The following NEK11 variants were observed in gnomAD, a reference collection of about 807,000 sequenced individuals.
The protein encoded by NEK11 is serine/threonine-protein kinase Nek11.
NEK11 carries 72 observed loss-of-function variants against 80.7 expected under a neutral mutation model. That is an observed-to-expected ratio of 0.89 (90% CI 0.74 to 1.08). The LOEUF (loss-of-function observed/expected upper bound fraction) is 1.08. Among genes scored for constraint, NEK11 ranks in the 50% least tolerant of loss-of-function variants. NEK11 has a pLI of 0.00. For missense variants in NEK11, 764 were observed against 763.6 expected (o/e 1.00, Z -0.01); for synonymous variants, 251 against 260.7 (o/e 0.96, Z 0.36).
At chr3:131,324,531 GCTTCTA>G (rs1403282538) in intron 17 of NEK11, among the ~76,000 whole-genome samples, 2 of 152,074 alleles carry the variant, frequency 1.3e-5, no homozygotes, top group Non-Finnish European at 2.9e-5. Context: ...TCTGATCTTT[GCTTCTA>G]CTTCAGTAAA....
chr3:131,129,349 C>T lies in NEK11; in HGVS notation c.456-3396C>T, dbSNP rs114536890. Among the ~76,000 whole-genome samples the T allele has an allele frequency of 5.6e-3, 859 of 152,282 alleles. 12 individuals carry two copies. The highest frequency in any genetic ancestry group is 0.019 in the African/African-American group (802 of 41,556). ...GATTACAGGCTTGAGCCACTGCACC[C>T]GGCCAACAGTCTATCAGATACGTCT... On this transcript the variant is annotated intron_variant, in intron 5 of 17. Transcript: ENST00000383366.
chr3:131,075,158 A>G (rs1341810666), intron 3 of NEK11, among the ~76,000 whole-genome samples: 1 of 152,160 alleles, frequency 6.6e-6, no homozygotes, highest in Non-Finnish European at 1.5e-5. Context: ...TGATCGGGGT[A>G]CGTAGAATGG....
intron 14 of NEK11, among the ~76,000 whole-genome samples, chr3:131,209,144 T>A (rs1324327358): frequency 6.6e-6 from 1 of 152,224 alleles, no homozygotes; most frequent in Non-Finnish European, 1.5e-5. Context: ...GTCCCATCAA[T>A]ACCTAGCTTA....
intron 5 of NEK11, among the ~76,000 whole-genome samples, 165 bp downstream of exon 5, chr3:131,110,086 T>TA (rs1430894324): frequency 1.3e-5 from 2 of 152,206 alleles, no homozygotes; most frequent in African/African-American, 2.4e-5. Flanking sequence ...TGTTGAATGA[T>TA]TATATCTAGA....
chr3:131,174,370 T>A (rs567471387), intron 14 of NEK11, among the ~76,000 whole-genome samples: 5 of 152,314 alleles, frequency 3.3e-5, no homozygotes, highest in Admixed American at 6.5e-5. Context: ...CTGCAAACTT[T>A]CAGCACCCAA....
At chr3:131,047,664 C>A (rs1159987227) in intron 3 of NEK11, among the ~76,000 whole-genome samples, 1 of 152,216 alleles carries the variant, frequency 6.6e-6, no homozygotes, top group Non-Finnish European at 1.5e-5. Flanking sequence ...CCAGCACCTG[C>A]TCCAGTGGAG....
intron 14 of NEK11, among the ~76,000 whole-genome samples, chr3:131,222,318 A>G (rs944624548): frequency 1.3e-5 from 2 of 152,190 alleles, no homozygotes; most frequent in Admixed American, 1.3e-4. Flanking sequence ...TCTACATTGA[A>G]GAGTTGTTGC....
At chr3:131,208,803 C>G (rs1021330981) in intron 14 of NEK11, among the ~76,000 whole-genome samples, 3 of 152,096 alleles carry the variant, frequency 2.0e-5, no homozygotes, top group African/African-American at 7.2e-5. Flanking sequence ...GTGATTTTTG[C>G]ACATTGATTT....
chr3:131,220,275 G>T (rs1025486029), intron 14 of NEK11, among the ~76,000 whole-genome samples: 8 of 152,092 alleles, frequency 5.3e-5, no homozygotes, highest in Admixed American at 6.6e-5. Flanking sequence ...AAATCTTATG[G>T]TTTTGGGGAC....
At position 131,333,903 on chromosome 3, in the gene NEK11, A is replaced by T. The variant is rs1278060628; in HGVS notation, c.1719-15654A>T. Among the ~76,000 whole-genome samples the T allele has an allele frequency of 3.9e-5, 6 of 152,372 alleles. No individual in the cohort carries two copies. The South Asian group carries it at 1.0e-3, about 26-fold the overall frequency. ...TACATAATGGTAAAGGGATCAATTCAACAAGAAAAGCTAACTATCCTAAAT... is the reference window on the plus strand; with the variant it reads ...TACATAATGGTAAAGGGATCAATTCTACAAGAAAAGCTAACTATCCTAAAT... On this transcript the variant is annotated intron_variant, in intron 17 of 17. Transcript: ENST00000383366.
chr3:131,151,120 A>G (rs758374264), intron 7 of NEK11, among the ~76,000 whole-genome samples: 1 of 151,964 alleles, frequency 6.6e-6, no homozygotes, highest in Non-Finnish European at 1.5e-5. Context: ...GCATTCTTTA[A>G]TGGAAACAGT....
chr3:131,132,202 A>T (rs2084619565), intron 5 of NEK11, among the ~76,000 whole-genome samples: 1 of 151,874 alleles, frequency 6.6e-6, no homozygotes, highest in South Asian at 2.1e-4. Flanking sequence ...TGTATACTTT[A>T]TTCGGCATTT....
intron 17 of NEK11, among the ~76,000 whole-genome samples, chr3:131,339,455 A>C (rs767103256): frequency 6.6e-6 from 1 of 152,192 alleles, no homozygotes; most frequent in Non-Finnish European, 1.5e-5. Context: ...GCCAGCACTT[A>C]GAGTGTCTAA....
At chr3:131,163,056 T>A (rs770579310) in intron 11 of NEK11, among the ~76,000 whole-genome samples, 1 of 152,166 alleles carries the variant, frequency 6.6e-6, no homozygotes, top group Non-Finnish European at 1.5e-5. Context: ...TCACTAGTAA[T>A]TAGAGTATTT....
At chr3:131,272,400 C>CCAAAT (rs2096208306) in intron 16 of NEK11, among the ~76,000 whole-genome samples, 1 of 148,368 alleles carries the variant, frequency 6.7e-6, no homozygotes, top group Non-Finnish European at 1.5e-5. Context: ...CAGCATAGGG[C>CCAAAT]CAAATTGTAA....
intron 5 of NEK11, among the ~76,000 whole-genome samples, chr3:131,127,025 G>A (rs2083479155): frequency 7.1e-6 from 1 of 141,056 alleles, no homozygotes; most frequent in African/African-American, 2.7e-5. Context: ...GAGTACAGTG[G>A]CGCGATCCTG....
intron 14 of NEK11, among the ~76,000 whole-genome samples, chr3:131,195,819 TA>T (rs1011486921): frequency 1.4e-5 from 2 of 141,312 alleles, no homozygotes; most frequent in Non-Finnish European, 3.1e-5. Context: ...TATATATATA[TA>T]AAATTGAAGA....
chr3:131,340,208 C>A (rs1477357687), intron 17 of NEK11, among the ~76,000 whole-genome samples: 1 of 152,156 alleles, frequency 6.6e-6, no homozygotes, highest in Non-Finnish European at 1.5e-5. Flanking sequence ...ACAAAATACA[C>A]ACAAAGTATG....
At chr3:131,293,235 T>A (rs1479362638) in intron 17 of NEK11, among the ~76,000 whole-genome samples, 3 of 152,168 alleles carry the variant, frequency 2.0e-5, no homozygotes, top group Non-Finnish European at 4.4e-5. Context: ...TTTGTAGATA[T>A]CCTTTATCAG....
Sources: allele counts gnomAD v4.1 joint callset (sites outside exome capture counted in the v4.1 genomes callset), GRCh38; gene constraint gnomAD v4.1.1; transcripts MANE v1.5; gene names NCBI Gene and HGNC (gene_info 2026-07-23, HGNC 2026-07-21).